ETV1: variants seen among roughly 807,000 people sequenced by gnomAD.
The protein encoded by ETV1 is ETS translocation variant 1.
A neutral mutation model predicts 62.3 loss-of-function variants in ETV1; 27 were observed. That is an observed-to-expected ratio of 0.43 (90% CI 0.32 to 0.60). The LOEUF (loss-of-function observed/expected upper bound fraction) is 0.60. Ranked by LOEUF, ETV1 falls within the 20% of genes least tolerant of loss-of-function variation. ETV1 has a pLI of 0.06. For synonymous variants in ETV1, 222 were observed against 199.6 expected (o/e 1.11, Z -0.94); for missense variants, 605 against 605.8 (o/e 1.00, Z 0.01).
In ETV1 at chr7:13,911,488, T is replaced by C. The variant is rs1281669346; in HGVS notation, c.803-181A>G. On this transcript the variant is annotated intron_variant, in intron 9 of 13. Coordinates refer to ENST00000430479, the MANE Select transcript of ETV1 (RefSeq NM_004956.5). ...ACATGAAATGAAAGAATGAAGAGTA[T>C]ATATCTTGGTGAATGCTGATTCTCT... Among the ~76,000 whole-genome samples, 3 of 152,188 alleles carry C rather than the reference T, an allele frequency of 2.0e-5. No homozygotes were observed. The East Asian group carries it at 5.8e-4, about 29-fold the overall frequency.
intron 6 of ETV1, among the ~76,000 whole-genome samples, chr7:13,959,592 G>A (rs1789910284): frequency 6.6e-6 from 1 of 151,994 alleles, no homozygotes; most frequent in South Asian, 2.1e-4. Context: ...GCTTAAAAAT[G>A]GTTTGTTCTG....
At chr7:13,938,346 G>T (rs1442164284) in intron 7 of ETV1, among the ~76,000 whole-genome samples, 1 of 152,188 alleles carries the variant, frequency 6.6e-6, no homozygotes, top group East Asian at 1.9e-4. Context: ...AATGTACAAT[G>T]AATCTGAATT....
At chr7:13,967,480 A>T (rs1467646527) in intron 6 of ETV1, among the ~76,000 whole-genome samples, 1 of 152,122 alleles carries the variant, frequency 6.6e-6, no homozygotes, top group East Asian at 1.9e-4. Context: ...TAATCTAGCC[A>T]TTCCTGATAT....
intron 6 of ETV1, among the ~76,000 whole-genome samples, chr7:13,974,503 T>C (rs1056466892): frequency 6.6e-6 from 1 of 152,216 alleles, no homozygotes; most frequent in East Asian, 1.9e-4. Flanking sequence ...CAGGGTGGCT[T>C]GCAAAGAGGG....
chr7:13,954,212 T>A (rs2128475142), intron 6 of ETV1, among the ~76,000 whole-genome samples: 1 of 152,326 alleles, frequency 6.6e-6, no homozygotes, highest in South Asian at 2.1e-4. Context: ...TCCAGCAGTA[T>A]TTTAAAGGCA....
intron 9 of ETV1, among the ~76,000 whole-genome samples, chr7:13,918,849 A>G (rs897424441): frequency 4.2e-5 from 6 of 143,584 alleles, no homozygotes; most frequent in African/African-American, 1.1e-4. Flanking sequence ...CAATGTGCAC[A>G]TGTACCCTAA....
At chr7:13,914,299 A>C (rs1338514667) in intron 9 of ETV1, among the ~76,000 whole-genome samples, 1 of 152,166 alleles carries the variant, frequency 6.6e-6, no homozygotes, top group Non-Finnish European at 1.5e-5. Context: ...TGTAAATTTA[A>C]TTTAGGACAA....
chr7:13,896,023 A>C lies in ETV1; in HGVS notation c.1277T>G (p.Phe426Cys). Residue 426 changes from phenylalanine (F) to cysteine (C), a missense_variant, in exon 14 of 14, where the codon TTT (phenylalanine) becomes TGT (cysteine). Transcript: ENST00000430479. ...CDPEALFSMAFPDNQRPLLKT... is the reference protein window; with the variant it reads ...CDPEALFSMACPDNQRPLLKT... ...CAGCAGTGGACGCTGATTATCTGGAAAGGCCATGGAGAAAAGGGCTTCTGG... is the reference window on the plus strand; with the variant it reads ...CAGCAGTGGACGCTGATTATCTGGACAGGCCATGGAGAAAAGGGCTTCTGG... 1 of 1,613,806 alleles carries C rather than the reference A, an allele frequency of 6.2e-7. No individual in the cohort carries two copies. Among genetic ancestry groups the C allele is most frequent in the Non-Finnish European group, 8.5e-7 (1 of 1,179,842 alleles).
chr7:13,935,472 G>A (rs997075348), intron 8 of ETV1, among the ~76,000 whole-genome samples: 1 of 152,192 alleles, frequency 6.6e-6, no homozygotes, highest in Non-Finnish European at 1.5e-5. Context: ...TCAGTAGATA[G>A]ATTAATTTTC....
At position 13,960,592 on chromosome 7, in the gene ETV1, A is replaced by C. The variant is rs555834775; in HGVS notation, c.235+16835T>G. 2.6e-5 allele frequency among the ~76,000 whole-genome samples: 4 copies of C among 152,190 alleles called. No homozygotes were observed. The South Asian group carries it at 8.3e-4, about 32-fold the overall frequency. On this transcript the variant is annotated intron_variant, in intron 6 of 13. Transcript: ENST00000430479. The stretch of plus-strand genomic sequence containing the variant: ...CCTACTCCAATCTATAAATCTATAA[A>C]ATTTATAAATTTATAAAATTTGTAA...
intron 6 of ETV1, among the ~76,000 whole-genome samples, chr7:13,966,355 G>T (rs186298387): frequency 6.6e-6 from 1 of 152,220 alleles, no homozygotes; most frequent in Non-Finnish European, 1.5e-5. Context: ...AATTAAGTCC[G>T]GGTGTGGTGG....
intron 6 of ETV1, among the ~76,000 whole-genome samples, chr7:13,961,283 A>G (rs1790139385): frequency 6.6e-6 from 1 of 152,196 alleles, no homozygotes; most frequent in Non-Finnish European, 1.5e-5. Context: ...GATTGATTGG[A>G]AAAGTAGCTA....
At chr7:13,941,185 A>C (rs922835765) in intron 6 of ETV1, among the ~76,000 whole-genome samples, 2 of 152,206 alleles carry the variant, frequency 1.3e-5, no homozygotes, top group Non-Finnish European at 2.9e-5. Flanking sequence ...CTCAAGAATC[A>C]ATTATGAGGA....
intron 9 of ETV1, among the ~76,000 whole-genome samples, chr7:13,917,826 T>C (rs1324296991): frequency 6.6e-6 from 1 of 151,712 alleles, no homozygotes; most frequent in East Asian, 2.0e-4. Flanking sequence ...TAGCCGGGCG[T>C]GGTGGCGGGC....
chr7:13,934,223 G>C (rs1330982297), intron 8 of ETV1, among the ~76,000 whole-genome samples: 2 of 152,186 alleles, frequency 1.3e-5, no homozygotes, highest in African/African-American at 4.8e-5. Context: ...AGGCTACAGG[G>C]TGAGAAGAAA....
At chr7:13,917,400 C>T (rs1784303489) in intron 9 of ETV1, among the ~76,000 whole-genome samples, 1 of 151,740 alleles carries the variant, frequency 6.6e-6, no homozygotes, top group South Asian at 2.1e-4. Flanking sequence ...TCACTGCAAC[C>T]TCTGCCTCCC....
chr7:13,981,735 A>G (rs1162681529), intron 5 of ETV1, among the ~76,000 whole-genome samples: 4 of 152,084 alleles, frequency 2.6e-5, no homozygotes, highest in African/African-American at 9.7e-5. Context: ...TTTTATCATA[A>G]GAATACTGTA....
intron 8 of ETV1, among the ~76,000 whole-genome samples, chr7:13,932,138 T>C (rs374245743): frequency 6.6e-6 from 1 of 152,052 alleles, no homozygotes; most frequent in African/African-American, 2.4e-5. Flanking sequence ...ACAAGATTCT[T>C]AAATCATTAT....
chr7:13,911,748 G>C (rs1409322445), intron 9 of ETV1, among the ~76,000 whole-genome samples: 1 of 152,128 alleles, frequency 6.6e-6, no homozygotes, highest in Non-Finnish European at 1.5e-5. Flanking sequence ...ATTATCAAAA[G>C]TTTTATTATG....
Sources: gnomAD v4.1 joint callset for allele counts (sites outside exome capture counted in the v4.1 genomes callset) on GRCh38, gnomAD v4.1.1 for gene constraint, MANE v1.5 for transcripts, NCBI Gene and HGNC (gene_info 2026-07-23, HGNC 2026-07-21) for gene names.